PAK1IP1: variants seen among roughly 807,000 people sequenced by gnomAD.
PAK1IP1 encodes the protein p21-activated protein kinase-interacting protein 1.
PAK1IP1 carries 24 observed loss-of-function variants against 42.0 expected under a neutral mutation model. The ratio of observed to expected loss-of-function variants is 0.57; its 90% CI spans 0.41 to 0.80. The LOEUF (loss-of-function observed/expected upper bound fraction) is 0.80. Among genes scored for constraint, PAK1IP1 ranks in the 30% least tolerant of loss-of-function variants. The pLI is 0.00. For synonymous variants in PAK1IP1, 154 were observed against 156.7 expected, an observed-to-expected ratio of 0.98 and a Z score of 0.13; for missense variants, 411 against 467.9, an observed-to-expected ratio of 0.88 and a Z score of 1.12.
chr6:10,702,275 G>T (rs888537949), intron 2 of PAK1IP1, 94 bp from the exon 3 acceptor site: 4 of 937,858 alleles, frequency 4.3e-6, no homozygotes, highest in East Asian at 5.0e-5. Flanking sequence ...AAAAGGTATT[G>T]AGTGTTTTAC....
At chr6:10,696,150 T>G (rs1208031143) in intron 1 of PAK1IP1, among the ~76,000 whole-genome samples, 2 of 152,140 alleles carry the variant, frequency 1.3e-5, no homozygotes, top group African/African-American at 4.8e-5. Flanking sequence ...CCCCAAAATG[T>G]CAGGAGCCCC....
chr6:10,706,869 G>A (rs970475812), intron 7 of PAK1IP1, among the ~76,000 whole-genome samples: 1 of 151,238 alleles, frequency 6.6e-6, no homozygotes, highest in Admixed American at 6.6e-5. Context: ...TCCAGCCTGG[G>A]CGATAGAGCA....
chr6:10,694,598 A>ATGTGT, upstream of PAK1IP1: 1 of 172,166 alleles, frequency 5.8e-6, no homozygotes. Context: ...TACAGCCCCT[A>ATGTGT]AGCAACCGGC....
upstream of PAK1IP1, among the ~76,000 whole-genome samples, chr6:10,691,361 G>T (rs552067008): frequency 3.4e-4 from 51 of 152,208 alleles, no homozygotes; most frequent in African/African-American, 1.1e-3. Context: ...CAACTCTAAG[G>T]AGGTCCGTGT....
chr6:10,709,125 A>T (rs1216568701), intron 9 of PAK1IP1, 49 bp downstream of exon 9: 1 of 1,564,346 alleles, frequency 6.4e-7, no homozygotes, highest in South Asian at 1.1e-5. Context: ...ATTATCTCTT[A>T]AATTGTAGAA....
chr6:10,702,249 A>G (rs1460582181), intron 2 of PAK1IP1, 120 bp from the exon 3 acceptor site: 20 of 828,206 alleles, frequency 2.4e-5, no homozygotes, highest in East Asian at 5.3e-5. Context: ...TCAAAAAAAA[A>G]AAAAAGAAAA....
At chr6:10,692,852 A>G (rs1276566108), upstream of PAK1IP1, among the ~76,000 whole-genome samples, 7 of 152,202 alleles carry the variant, frequency 4.6e-5, no homozygotes, top group Non-Finnish European at 1.0e-4. Context: ...GTGAATGAAT[A>G]CAAGGATTTC....
upstream of PAK1IP1, chr6:10,694,741 C>T (rs1249661050): frequency 1.9e-5 from 8 of 417,562 alleles, no homozygotes; most frequent in Admixed American, 8.5e-5. Context: ...ATTTTTTTCT[C>T]CTTGCAGTGA....
chr6:10,702,728 A>G lies in PAK1IP1; in HGVS notation c.443+89A>G, dbSNP rs189841798. ...CTAAAAATACTGTTATACAAGGGAA[A>G]GGTCAAAAGCTGGTGAACCTTTTCA... On this transcript the variant is annotated intron_variant, in intron 4 of 9. Coordinates refer to ENST00000379568, the MANE Select transcript of PAK1IP1 (RefSeq NM_017906.3). 44 of 950,896 alleles carry G rather than the reference A, an allele frequency of 4.6e-5. No individual in the cohort carries two copies. In the East Asian group the frequency reaches 8.7e-4, roughly 19 times the overall value. The allele number at this position is 950,896 out of a possible 1,614,324, so 58.9% of individuals were successfully genotyped here.
At chr6:10,702,240 C>CA (rs57502144) in intron 2 of PAK1IP1, 129 bp from the exon 3 acceptor site, 56,553 of 559,404 alleles carry the variant, frequency 0.1, 21 homozygotes, top group East Asian at 0.12. Context: ...AACCCTGCCT[C>CA]AAAAAAAAAA....
At chr6:10,695,351 A>T (rs746254482) in intron 1 of PAK1IP1, among the ~76,000 whole-genome samples, 3 of 152,206 alleles carry the variant, frequency 2.0e-5, no homozygotes, top group Non-Finnish European at 4.4e-5. Flanking sequence ...TTGTGGATTT[A>T]AGGATCGATC....
At chr6:10,693,499 G>A (rs1733331439), upstream of PAK1IP1, among the ~76,000 whole-genome samples, 1 of 152,186 alleles carries the variant, frequency 6.6e-6, no homozygotes, top group South Asian at 2.1e-4. Flanking sequence ...TAACAATTCA[G>A]AACACCAGAG....
intron 7 of PAK1IP1, 85 bp from the exon 8 acceptor site, chr6:10,707,330 G>A (rs1342239384): frequency 1.4e-5 from 11 of 797,358 alleles, no homozygotes; most frequent in African/African-American, 6.8e-5. Flanking sequence ...CATTGAGAAA[G>A]CACTAGTCTT....
intron 7 of PAK1IP1, among the ~76,000 whole-genome samples, chr6:10,706,661 G>A (rs542873253): frequency 6.6e-6 from 1 of 152,226 alleles, no homozygotes; most frequent in Admixed American, 6.5e-5. Context: ...GAGGTAGGCA[G>A]ATCACAAGGT....
intron 1 of PAK1IP1, among the ~76,000 whole-genome samples, chr6:10,696,918 G>A (rs148080424): frequency 0.024 from 3,703 of 152,158 alleles, 69 homozygotes; most frequent in Non-Finnish European, 0.039. Context: ...TTATTTGAAA[G>A]AATAAATTCA....
chr6:10,706,902 AAAAG>A (rs1770219654), intron 7 of PAK1IP1, among the ~76,000 whole-genome samples: 1 of 151,986 alleles, frequency 6.6e-6, no homozygotes, highest in Non-Finnish European at 1.5e-5. Flanking sequence ...AAAAAAAAAA[AAAAG>A]AAAAAGAAAG....
rs1770064441 is a variant in PAK1IP1, at chr6:10,702,634, T to A, written c.438T>A (p.Thr146=). The change falls in exon 4 of 10, where the codon ACT becomes ACA. Residue 146 remains threonine, a synonymous_variant. Transcript: ENST00000379568. ...CCCTGTCGGTTGGTACAGATAAAACTTTAAGGTAAGTCATTAATGCTCAAG... is the reference window on the plus strand; with the variant it reads ...CCCTGTCGGTTGGTACAGATAAAACATTAAGGTAAGTCATTAATGCTCAAG... ...KLALSVGTDK[T]LRTWNLVEGR... is the part of the protein sequence containing the mutation. The A allele has an allele frequency of 6.2e-7, 1 of 1,608,416 alleles. No homozygotes were observed. The highest frequency in any genetic ancestry group is 1.7e-5 in the Admixed American group (1 of 59,998).
In PAK1IP1 at chr6:10,702,446, G is replaced by C. The variant is rs1360031821; in HGVS notation, c.325G>C (p.Asp109His). The C allele has an allele frequency of 1.9e-6, 3 of 1,613,962 alleles. No individual in the cohort carries two copies. The highest frequency in any genetic ancestry group is 8.5e-7 in the Non-Finnish European group (1 of 1,179,896). Residue 109 changes from aspartate to histidine, a missense_variant, in exon 3 of 10, where the codon GAT becomes CAT. Transcript: ENST00000379568. Reference sequence around the variant, plus strand: ...GGAAGATGGACTCATCTGTATCTGGGATGCAAAGAAATGGGAATGCCTGAA... The same window carrying C: ...GGAAGATGGACTCATCTGTATCTGGCATGCAAAGAAATGGGAATGCCTGAA... The part of the protein sequence containing the change: ...GAEDGLICIW[D>H]AKKWECLKSI...
upstream of PAK1IP1, among the ~76,000 whole-genome samples, chr6:10,692,430 A>G (rs1182969379): frequency 6.6e-6 from 1 of 152,198 alleles, no homozygotes; most frequent in Non-Finnish European, 1.5e-5. Context: ...GAAGATAACT[A>G]GCACAAAGTA....
Sources: allele counts gnomAD v4.1 joint callset (sites outside exome capture counted in the v4.1 genomes callset), GRCh38; gene constraint gnomAD v4.1.1; transcripts MANE v1.5; gene names NCBI Gene and HGNC (gene_info 2026-07-23, HGNC 2026-07-21).